The following EGFR variants were observed in gnomAD, a reference collection of about 807,000 sequenced individuals.
The protein encoded by EGFR is avian erythroblastic leukemia viral (v-erb-b) oncogene homolog.
EGFR carries 58 observed loss-of-function variants against 143.0 expected under a neutral mutation model. That is an observed-to-expected ratio of 0.41 (90% CI 0.33 to 0.50). The LOEUF (loss-of-function observed/expected upper bound fraction) is 0.50, where lower values mean the gene tolerates loss of function less well. Ranked by LOEUF, EGFR falls within the 20% of genes least tolerant of loss-of-function variation. The pLI, the probability that EGFR is intolerant of heterozygous loss-of-function variation, is 0.39. For synonymous variants in EGFR, 613 were observed against 594.4 expected (o/e 1.03, Z -0.45); for missense variants, 1,307 against 1,579.0 (o/e 0.83, Z 2.92).
At chr7:55,122,989 C>A (rs536330627) in intron 1 of EGFR, among the ~76,000 whole-genome samples, 1 of 152,320 alleles carries the variant, frequency 6.6e-6, no homozygotes, top group East Asian at 1.9e-4. Flanking sequence ...CACAGTGCAA[C>A]CTTCAATGCA....
At position 55,143,942 on chromosome 7, in the gene EGFR, G is replaced by A. The variant is rs910018912; in HGVS notation, c.424+454G>A. On this transcript the variant is annotated intron_variant, in intron 3 of 27. Transcript: ENST00000275493. ...ACACAGAAAGCCCTGTGTAAGTTAA[G>A]GATAGAGAATGAGGTGTTCTAGAAC... Among the ~76,000 whole-genome samples the A allele has an allele frequency of 7.2e-5, 11 of 152,152 alleles. No homozygotes were observed. The South Asian group carries it at 2.1e-3, about 29-fold the overall frequency.
intron 1 of EGFR, among the ~76,000 whole-genome samples, chr7:55,040,193 G>A (rs1787819927): frequency 6.6e-6 from 1 of 152,174 alleles, no homozygotes; most frequent in African/African-American, 2.4e-5. Context: ...CTCTGTGGAG[G>A]TCAGAAGGAG....
intron 1 of EGFR, among the ~76,000 whole-genome samples, chr7:55,051,192 G>T (rs1788468999): frequency 6.6e-6 from 1 of 152,198 alleles, no homozygotes; most frequent in South Asian, 2.1e-4. Context: ...CTAGTCACCA[G>T]TGAAGTGACA....
chr7:55,192,314 C>T (rs1787432525), intron 21 of EGFR, among the ~76,000 whole-genome samples: 1 of 152,160 alleles, frequency 6.6e-6, no homozygotes, highest in African/African-American at 2.4e-5. Flanking sequence ...GAGTCCTTCT[C>T]TCCCTTCACT....
chr7:55,065,069 C>T (rs944042313), intron 1 of EGFR, among the ~76,000 whole-genome samples: 13 of 152,196 alleles, frequency 8.5e-5, no homozygotes, highest in African/African-American at 3.1e-4. Context: ...AAAGCATTCT[C>T]GAAGCTTCCA....
chr7:55,205,749 A>T lies in EGFR; in HGVS notation c.*132A>T. ...CCCACAGACTGGTTTTGCAACGTTT[A>T]CACCGACTAGCCAGGAAGTACTTCC... On this transcript the variant is annotated 3_prime_UTR_variant, in exon 28 of 28. Transcript: ENST00000275493. 1 of 1,422,750 alleles carries T rather than the reference A, an allele frequency of 7.0e-7. No homozygotes were observed. Among genetic ancestry groups the T allele is most frequent in the Non-Finnish European group, 9.8e-7 (1 of 1,022,072 alleles). The allele number at this position is 1,422,750 out of a possible 1,614,324, so 88.1% of individuals were successfully genotyped here. A position where few individuals can be genotyped will look rare whatever the true frequency, so the allele number is the denominator to read the frequency against.
chr7:55,198,853 C>T lies in EGFR; in HGVS notation c.2838C>T (p.Ile946=), dbSNP rs1255803487. 1.2e-6 allele frequency: 2 copies of T among 1,614,196 alleles called. No individual in the cohort carries two copies. Residue 946 remains isoleucine (I), a synonymous_variant, in exon 23 of 28, where the codon ATC becomes ATT. Transcript: ENST00000275493. ...TATGTACCATCGATGTCTACATGAT[C>T]ATGGTCAAGTGTGAGTGACTGGTGG... ...PPICTIDVYM[I]MVKCWMIDAD...
chr7:55,190,410 C>T (rs1787338851), intron 20 of EGFR, among the ~76,000 whole-genome samples: 1 of 151,974 alleles, frequency 6.6e-6, no homozygotes, highest in African/African-American at 2.4e-5. Flanking sequence ...AGCATCTTTG[C>T]GAGACCCTAG....
chr7:55,140,797 A>T (rs1038676904), intron 1 of EGFR, among the ~76,000 whole-genome samples: 9 of 152,196 alleles, frequency 5.9e-5, no homozygotes, highest in Non-Finnish European at 1.5e-5. Context: ...TATCATTATC[A>T]CTGAAATTGA....
At chr7:55,029,544 C>T (rs747946656) in intron 1 of EGFR, among the ~76,000 whole-genome samples, 1 of 151,986 alleles carries the variant, frequency 6.6e-6, no homozygotes, top group Non-Finnish European at 1.5e-5. Flanking sequence ...CAAAGGACTG[C>T]AGATGAAAAA....
intron 1 of EGFR, among the ~76,000 whole-genome samples, chr7:55,127,465 C>T (rs541344871): frequency 6.6e-6 from 1 of 152,010 alleles, no homozygotes; most frequent in Admixed American, 6.6e-5. Flanking sequence ...CCCCCTCACC[C>T]CCCACCACCC....
chr7:55,122,691 A>G (rs1033568820), intron 1 of EGFR, among the ~76,000 whole-genome samples: 1 of 152,088 alleles, frequency 6.6e-6, no homozygotes, highest in Admixed American at 6.5e-5. Context: ...GCCATCCATC[A>G]CAGGACAGCT....
At chr7:55,146,462 G>T (rs898328447) in intron 3 of EGFR, 144 bp from the exon 4 acceptor site, 3 of 1,308,402 alleles carry the variant, frequency 2.3e-6, no homozygotes, top group Non-Finnish European at 3.2e-6. Context: ...CCGCCCCCCG[G>T]GAAGTTCACT....
In EGFR at chr7:55,205,713, T is replaced by C; in HGVS notation, c.*96T>C. ...TCCATCCCAACAGCCATGCCCGCAT[T>C]AGCTCTTAGACCCACAGACTGGTTT... On this transcript the variant is annotated 3_prime_UTR_variant, in exon 28 of 28. Coordinates refer to ENST00000275493, the MANE Select transcript of EGFR (RefSeq NM_005228.5). The C allele has an allele frequency of 6.3e-7, 1 of 1,597,140 alleles. No homozygotes were observed. Among genetic ancestry groups the C allele is most frequent in the South Asian group, 1.1e-5 (1 of 90,050 alleles).
chr7:55,209,034 T>TA lies in EGFR; in HGVS notation c.*3417_*3418insA, dbSNP rs1788177648. ...CCCAGTGCCACTCTCACTAGGCCTC[T>TA]GATTGCACTTGTGTAGGATGAAGCT... On this transcript the variant is annotated 3_prime_UTR_variant, in exon 28 of 28. Transcript: ENST00000275493. The TA allele has an allele frequency of 6.6e-6, 1 of 152,208 alleles. No individual in the cohort carries two copies. The highest frequency in any genetic ancestry group is 1.5e-5 in the Non-Finnish European group (1 of 68,052). 9.4% of individuals were successfully genotyped at this position (152,208 alleles called of 1,614,324 possible).
Position 55,181,912 on chromosome 7 carries a change from C to A in EGFR, c.2469+434C>A, listed in dbSNP as rs971940934. The A allele has an allele frequency of 1.4e-5, 4 of 279,300 alleles. No homozygotes were observed. The Admixed American group carries it at 1.9e-4, about 14-fold the overall frequency. 17.3% of individuals were successfully genotyped at this position (279,300 alleles called of 1,614,324 possible). A position where few individuals can be genotyped will look rare whatever the true frequency, so the allele number is the denominator to read the frequency against. The stretch of plus-strand genomic sequence containing the variant: ...GTGGAGCAGGTGCCTTGCAGGAGGC[C>A]CAGTGAGGAGGTGCAAGGAGCTGAC... On this transcript the variant is annotated intron_variant, in intron 20 of 27. Transcript: ENST00000275493.
intron 24 of EGFR, 105 bp from the exon 25 acceptor site, chr7:55,201,083 G>A (rs2128971258): frequency 2.1e-6 from 3 of 1,424,240 alleles, no homozygotes; most frequent in Non-Finnish European, 3.0e-6. Context: ...AACAAAATTG[G>A]CAAACACACA....
intron 1 of EGFR, among the ~76,000 whole-genome samples, chr7:55,138,084 T>G (rs912973682): frequency 6.6e-6 from 1 of 152,202 alleles, no homozygotes; most frequent in Non-Finnish European, 1.5e-5. Context: ...AAAGGCAGAC[T>G]AGAGGACCAT....
chr7:55,207,105 C>T lies in EGFR; in HGVS notation c.*1488C>T, dbSNP rs1306313305. Reference sequence around the variant, plus strand: ...CTGGTTAACAGCAGTCCTTTGTAAACAGTGTTTTAAACTCTCCTAGTCAAT... The same window carrying T: ...CTGGTTAACAGCAGTCCTTTGTAAATAGTGTTTTAAACTCTCCTAGTCAAT... On this transcript the variant is annotated 3_prime_UTR_variant, in exon 28 of 28. Coordinates refer to ENST00000275493, the MANE Select transcript of EGFR (RefSeq NM_005228.5). 2 of 232,714 alleles carry T rather than the reference C, an allele frequency of 8.6e-6. No homozygotes were observed. Among genetic ancestry groups the T allele is most frequent in the East Asian group, 1.2e-4 (2 of 16,526 alleles). The allele number at this position is 232,714 out of a possible 1,614,324, so 14.4% of individuals were successfully genotyped here. A position where few individuals can be genotyped will look rare whatever the true frequency, so the allele number is the denominator to read the frequency against.
Sources: gnomAD v4.1 joint callset for allele counts (sites outside exome capture counted in the v4.1 genomes callset) on GRCh38, gnomAD v4.1.1 for gene constraint, MANE v1.5 for transcripts, NCBI Gene and HGNC (gene_info 2026-07-23, HGNC 2026-07-21) for gene names.